Variants in TSPAN5 observed in about 807,000 individuals in gnomAD.
TSPAN5 encodes tetraspanin-5.
In TSPAN5, 10 loss-of-function variants were observed where a neutral mutation model predicts 37.1. The observed-to-expected ratio is 0.27, with a 90% CI of 0.17 to 0.46. The LOEUF (loss-of-function observed/expected upper bound fraction) is 0.46. Ranked by LOEUF, TSPAN5 falls within the 20% of genes least tolerant of loss-of-function variation. TSPAN5 has a pLI of 1.00. For synonymous variants in TSPAN5, 110 were observed against 118.9 expected (o/e 0.93, Z 0.48); for missense variants, 195 against 326.6 (o/e 0.60, Z 3.11).
intron 1 of TSPAN5, among the ~76,000 whole-genome samples, chr4:98,544,785 A>G (rs561926709): frequency 6.6e-6 from 1 of 152,332 alleles, no homozygotes; most frequent in Non-Finnish European, 1.5e-5. Flanking sequence ...GAACATAGCT[A>G]TAATTTAAAT....
At chr4:98,587,612 G>T (rs187711818) in intron 1 of TSPAN5, among the ~76,000 whole-genome samples, 1 of 152,154 alleles carries the variant, frequency 6.6e-6, no homozygotes. Context: ...GGTGCTGGCC[G>T]GGCGCAGTGG....
At chr4:98,559,637 G>C (rs2866017) in intron 1 of TSPAN5, among the ~76,000 whole-genome samples, 104,418 of 152,104 alleles carry the variant, frequency 0.69, 35,980 homozygotes, top group South Asian at 0.83. Flanking sequence ...AAGTAGGCTC[G>C]AAAAGCTTTT....
intron 3 of TSPAN5, chr4:98,486,418 G>A (rs1752959792): frequency 4.5e-6 from 1 of 223,104 alleles, no homozygotes; most frequent in Non-Finnish European, 8.6e-6. Flanking sequence ...CGGTGGGAAG[G>A]AATCACTTAG....
chr4:98,613,162 G>A (rs190386691), intron 1 of TSPAN5, among the ~76,000 whole-genome samples: 33 of 150,758 alleles, frequency 2.2e-4, no homozygotes, highest in African/African-American at 5.4e-4. Flanking sequence ...TTAATTCCAC[G>A]GGTGATTCAG....
chr4:98,481,581 AT>A (rs1752838658), intron 4 of TSPAN5, among the ~76,000 whole-genome samples: 1 of 152,232 alleles, frequency 6.6e-6, no homozygotes, highest in East Asian at 1.9e-4. Context: ...GTGGCAAATT[AT>A]TCTGTTGATA....
chr4:98,611,106 A>G (rs537340887), intron 1 of TSPAN5, among the ~76,000 whole-genome samples: 1 of 151,916 alleles, frequency 6.6e-6, no homozygotes, highest in South Asian at 2.1e-4. Context: ...AGGCAGAGGA[A>G]CTCCTCCAAC....
chr4:98,602,478 C>T (rs577386096), intron 1 of TSPAN5, among the ~76,000 whole-genome samples: 1 of 152,286 alleles, frequency 6.6e-6, no homozygotes, highest in South Asian at 2.1e-4. Context: ...AAACACTTTA[C>T]TCATTTCAAA....
At chr4:98,576,187 A>C (rs1027044951) in intron 1 of TSPAN5, among the ~76,000 whole-genome samples, 1 of 152,020 alleles carries the variant, frequency 6.6e-6, no homozygotes, top group Non-Finnish European at 1.5e-5. Context: ...AAAAAAAATC[A>C]AACAGTATTA....
intron 1 of TSPAN5, among the ~76,000 whole-genome samples, chr4:98,558,901 A>T (rs1754814728): frequency 6.6e-6 from 1 of 151,524 alleles, no homozygotes; most frequent in South Asian, 2.1e-4. Context: ...ATAACCTGTG[A>T]ATGTCTTCTT....
intron 1 of TSPAN5, among the ~76,000 whole-genome samples, chr4:98,595,225 G>A (rs1414029865): frequency 6.7e-5 from 7 of 105,144 alleles, no homozygotes; most frequent in East Asian, 5.2e-4. Flanking sequence ...GTTTATTTGC[G>A]TAGAGGTGTT....
In TSPAN5 at chr4:98,488,981, C is replaced by T. The variant is rs576853225; in HGVS notation, c.133-2097G>A. ...CCTCTCCTCTGACAATGCCTTTAAC[C>T]ACAGATGTTAGTACCTGAAGCTTTC... On this transcript the variant is annotated intron_variant, in intron 2 of 7. Coordinates refer to ENST00000305798, the MANE Select transcript of TSPAN5 (RefSeq NM_005723.4). Among the ~76,000 whole-genome samples, 12 of 152,262 alleles carry T rather than the reference C, an allele frequency of 7.9e-5. No individual in the cohort carries two copies. In the East Asian group the frequency reaches 2.3e-3, roughly 29 times the overall value.
intron 1 of TSPAN5, among the ~76,000 whole-genome samples, chr4:98,549,419 C>G (rs771728467): frequency 6.6e-6 from 1 of 151,990 alleles, no homozygotes; most frequent in Non-Finnish European, 1.5e-5. Flanking sequence ...TCTCCTGCCT[C>G]AGCCTCCTGA....
intron 2 of TSPAN5, among the ~76,000 whole-genome samples, chr4:98,487,304 T>A (rs1752990965): frequency 6.7e-6 from 1 of 149,964 alleles, no homozygotes; most frequent in Non-Finnish European, 1.5e-5. Context: ...GGAGAAGACG[T>A]GGTGTTACCT....
At chr4:98,631,888 C>T (rs56134635) in intron 1 of TSPAN5, among the ~76,000 whole-genome samples, 4 of 152,118 alleles carry the variant, frequency 2.6e-5, no homozygotes, top group African/African-American at 9.7e-5. Context: ...TCTTAGGCCA[C>T]TTTTTAGTTT....
chr4:98,550,502 C>T (rs1023146275), intron 1 of TSPAN5, among the ~76,000 whole-genome samples: 1 of 151,892 alleles, frequency 6.6e-6, no homozygotes. Context: ...GTTGATTCTT[C>T]TAACCCATGA....
At chr4:98,582,235 C>T (rs186440600) in intron 1 of TSPAN5, among the ~76,000 whole-genome samples, 7 of 152,352 alleles carry the variant, frequency 4.6e-5, no homozygotes, top group African/African-American at 7.2e-5. Flanking sequence ...AAGCCCCCGA[C>T]GCAACCGCAT....
intron 1 of TSPAN5, among the ~76,000 whole-genome samples, chr4:98,537,702 C>T (rs1370722492): frequency 6.6e-6 from 1 of 152,238 alleles, no homozygotes; most frequent in Admixed American, 6.5e-5. Flanking sequence ...GATGCTCAGG[C>T]CTCCAGTATT....
At chr4:98,494,080 A>T (rs968194488) in intron 2 of TSPAN5, among the ~76,000 whole-genome samples, 5 of 152,192 alleles carry the variant, frequency 3.3e-5, no homozygotes, top group Admixed American at 1.3e-4. Context: ...TTAGTGGTCC[A>T]TGTCTGAGGC....
intron 1 of TSPAN5, among the ~76,000 whole-genome samples, chr4:98,607,555 C>T (rs989903405): frequency 2.6e-5 from 4 of 152,072 alleles, no homozygotes; most frequent in South Asian, 2.1e-4. Context: ...GGCATGATTT[C>T]CCCCTTCCTC....
Sources: allele counts gnomAD v4.1 joint callset (sites outside exome capture counted in the v4.1 genomes callset), GRCh38; gene constraint gnomAD v4.1.1; transcripts MANE v1.5; gene names NCBI Gene and HGNC (gene_info 2026-07-23, HGNC 2026-07-21).